HTR1D: variants seen among roughly 807,000 people sequenced by gnomAD.
HTR1D encodes the protein 5-HT-1D.
HTR1D carries 18 observed loss-of-function variants against 21.1 expected under a neutral mutation model. That is an observed-to-expected ratio of 0.85 (90% CI 0.59 to 1.27). The LOEUF is 1.27. HTR1D is among the 50% of genes most tolerant of loss of function. The pLI is 0.00. For missense variants in HTR1D, 456 were observed against 481.4 expected (o/e 0.95, Z 0.49); for synonymous variants, 196 against 204.4 (o/e 0.96, Z 0.35).
Position 23,194,198 on chromosome 1 carries a change from C to T in HTR1D, c.22G>A (p.Ala8Thr). The change falls in exon 2 of 2, where the codon GCA (alanine) becomes ACA (threonine). Residue 8 changes from alanine (A) to threonine (T), a missense_variant. Transcript: ENST00000374619. Reference sequence around the variant, plus strand: ...GAGGCCTCCTGGGGAAGGCCTTCTGCTGACTGGTTCAGTGGGGACATGCTA... The same window carrying T: ...GAGGCCTCCTGGGGAAGGCCTTCTGTTGACTGGTTCAGTGGGGACATGCTA... MSPLNQS[A>T]EGLPQEASNR... 1 of 1,613,632 alleles carries T rather than the reference C, an allele frequency of 6.2e-7. No individual in the cohort carries two copies. Among genetic ancestry groups the T allele is most frequent in the Non-Finnish European group, 8.5e-7 (1 of 1,179,778 alleles).
At chr1:23,211,904 T>C (rs971275306) in intron 1 of HTR1D, among the ~76,000 whole-genome samples, 1 of 152,140 alleles carries the variant, frequency 6.6e-6, no homozygotes, top group African/African-American at 2.4e-5. Context: ...GTTCAAGTGA[T>C]CTTCCTGCCT....
In HTR1D at chr1:23,217,393, C is replaced by CG. The variant is rs1644780114; in HGVS notation, c.-886dup. On this transcript the variant is annotated 5_prime_UTR_variant, in exon 1 of 2. Coordinates refer to ENST00000374619, the MANE Select transcript of HTR1D (RefSeq NM_000864.5). The surrounding 1 kb of genome is among the most constrained non-coding windows in gnomAD (Gnocchi z 4.6). ...GCCGCCTTGTCTCCGCCGCGACCCC[C>CG]GCCGAACTCGGGGGCCGCCCGCCCC... 6.6e-6 allele frequency among the ~76,000 whole-genome samples: 1 copy of CG among 151,816 alleles called. No homozygotes were observed. Among genetic ancestry groups the CG allele is most frequent in the Non-Finnish European group, 1.5e-5 (1 of 67,898 alleles).
intron 1 of HTR1D, among the ~76,000 whole-genome samples, chr1:23,204,080 T>C (rs1156419921): frequency 1.3e-5 from 2 of 152,168 alleles, no homozygotes; most frequent in Non-Finnish European, 2.9e-5. Flanking sequence ...TCCGCAGCCA[T>C]GTGGAACTGT....
In HTR1D at chr1:23,193,213, G is replaced by A. The variant is rs758749231; in HGVS notation, c.1007C>T (p.Ala336Val). ...TAGCCAGGTGAAGAAGTCAAAGAGCGCCGGGTGGATCCAGCAGGAGTCCCG... is the reference window on the plus strand; with the variant it reads ...TAGCCAGGTGAAGAAGTCAAAGAGCACCGGGTGGATCCAGCAGGAGTCCCG... The part of the protein sequence containing the change: ...ICRDSCWIHP[A>V]LFDFFTWLGY... The change falls in exon 2 of 2, where the codon GCG becomes GTG. Residue 336 changes from alanine (A) to valine (V), a missense_variant. By Grantham distance (64) the Ala-to-Val change is moderately conservative (BLOSUM62 0). Transcript: ENST00000374619. 45 of 1,613,980 alleles carry A rather than the reference G, an allele frequency of 2.8e-5. No individual in the cohort carries two copies. Among genetic ancestry groups the A allele is most frequent in the African/African-American group, 4.0e-5 (3 of 74,896 alleles).
At chr1:23,215,259 A>G (rs577746697) in intron 1 of HTR1D, among the ~76,000 whole-genome samples, 5 of 152,274 alleles carry the variant, frequency 3.3e-5, no homozygotes, top group African/African-American at 1.2e-4. Context: ...TCTACAAAAA[A>G]TGCAAAAATT....
intron 1 of HTR1D, among the ~76,000 whole-genome samples, chr1:23,214,749 A>G (rs2148245213): frequency 6.6e-6 from 1 of 152,218 alleles, no homozygotes; most frequent in South Asian, 2.1e-4. Context: ...CACCTGCCCC[A>G]TGCCCTGCTA....
intron 1 of HTR1D, among the ~76,000 whole-genome samples, chr1:23,202,546 T>C (rs1406853458): frequency 6.6e-6 from 1 of 152,140 alleles, no homozygotes; most frequent in Non-Finnish European, 1.5e-5. Flanking sequence ...ACAAAAAGGA[T>C]GTATGGGTTT....
intron 1 of HTR1D, among the ~76,000 whole-genome samples, chr1:23,202,871 A>G (rs1184063982): frequency 6.6e-6 from 1 of 152,094 alleles, no homozygotes; most frequent in Non-Finnish European, 1.5e-5. Flanking sequence ...CAGAGATATA[A>G]TGAGGATTGG....
chr1:23,203,024 C>T (rs989217757), intron 1 of HTR1D, among the ~76,000 whole-genome samples: 1 of 152,072 alleles, frequency 6.6e-6, no homozygotes, highest in Non-Finnish European at 1.5e-5. Context: ...AGGCGATTCT[C>T]CTGTCTCAGC....
intron 1 of HTR1D, among the ~76,000 whole-genome samples, chr1:23,200,886 G>C (rs1301790872): frequency 6.6e-6 from 1 of 152,144 alleles, no homozygotes; most frequent in African/African-American, 2.4e-5. Flanking sequence ...CATGACAGCA[G>C]CAGCAGAAGC....
In HTR1D at chr1:23,192,917, T is replaced by A. The variant is rs1429233898; in HGVS notation, c.*169A>T. ...CCCCCCGCCCCCCACCACCCACAGC[T>A]CTTTCAGAAGTTAAGAAAACAACAG... On this transcript the variant is annotated 3_prime_UTR_variant, in exon 2 of 2. Transcript: ENST00000374619. The A allele has an allele frequency of 1.2e-3, 165 of 132,606 alleles. No individual in the cohort carries two copies. Among genetic ancestry groups the A allele is most frequent in the East Asian group, 2.6e-3 (15 of 5,852 alleles). The allele number at this position is 132,606 out of a possible 1,614,324, so 8.2% of individuals were successfully genotyped here. A position where few individuals can be genotyped will look rare whatever the true frequency, so the allele number is the denominator to read the frequency against.
chr1:23,193,663 G>A lies in HTR1D; in HGVS notation c.557C>T (p.Ser186Leu), dbSNP rs753101503. 33 of 1,613,234 alleles carry A rather than the reference G, an allele frequency of 2.0e-5. No homozygotes were observed. In the African/African-American group the frequency reaches 2.7e-4, roughly 13 times the overall value. The change falls in exon 2 of 2, where the codon TCG becomes TTG. Residue 186 changes from serine to leucine, a missense_variant. Coordinates refer to ENST00000374619, the MANE Select transcript of HTR1D (RefSeq NM_000864.5). The part of the protein sequence containing the change: ...WRQAKAQEEM[S>L]DCLVNTSQIS... ...CTGAGAGGTGTTCACCAGACAGTCC[G>A]ACATCTCCTCCTGGGCCTTGGCCTG...
chr1:23,209,859 C>G (rs542412291), intron 1 of HTR1D, among the ~76,000 whole-genome samples: 1 of 152,238 alleles, frequency 6.6e-6, no homozygotes, highest in East Asian at 1.9e-4. Context: ...ATACCTACCC[C>G]ACACATTCAA....
At chr1:23,211,559 C>T (rs536164822) in intron 1 of HTR1D, among the ~76,000 whole-genome samples, 1 of 152,136 alleles carries the variant, frequency 6.6e-6, no homozygotes, top group Non-Finnish European at 1.5e-5. Context: ...ACCTATTCCA[C>T]AGGATTGAAC....
At chr1:23,212,125 T>C (rs1644755786) in intron 1 of HTR1D, among the ~76,000 whole-genome samples, 1 of 152,196 alleles carries the variant, frequency 6.6e-6, no homozygotes, top group South Asian at 2.1e-4. Flanking sequence ...GTTCTGTCAC[T>C]TCCTTGAGTC....
Position 23,194,369 on chromosome 1 carries a change from A to G in HTR1D, c.-150T>C. 1 of 607,426 alleles carries G rather than the reference A, an allele frequency of 1.6e-6. No individual in the cohort carries two copies. Among genetic ancestry groups the G allele is most frequent in the Non-Finnish European group, 3.0e-6 (1 of 336,982 alleles). The allele number at this position is 607,426 out of a possible 1,614,324, so 37.6% of individuals were successfully genotyped here. On this transcript the variant is annotated 5_prime_UTR_variant, in exon 2 of 2. Transcript: ENST00000374619. ...CACAGTGAAAAGGTCTCAAGACCAG[A>G]CTATTCTCTAAGTACAGTTGCAATA...
intron 1 of HTR1D, among the ~76,000 whole-genome samples, chr1:23,201,037 C>A (rs975323698): frequency 6.6e-6 from 1 of 152,190 alleles, no homozygotes. Context: ...AGCAGACAGA[C>A]AGACTTATGA....
At chr1:23,213,384 G>T (rs12088980) in intron 1 of HTR1D, among the ~76,000 whole-genome samples, 1 of 152,136 alleles carries the variant, frequency 6.6e-6, no homozygotes, top group East Asian at 1.9e-4. Flanking sequence ...GGAGGCTGAG[G>T]CAGGAGAATC....
chr1:23,199,224 C>T (rs967849583), intron 1 of HTR1D, among the ~76,000 whole-genome samples: 5 of 151,978 alleles, frequency 3.3e-5, no homozygotes, highest in African/African-American at 1.2e-4. Context: ...AGTGATCCTC[C>T]CACCTCAGCC....
Sources: allele counts gnomAD v4.1 joint callset (sites outside exome capture counted in the v4.1 genomes callset), GRCh38; gene constraint gnomAD v4.1.1; non-coding constraint Gnocchi (gnomAD v3.1); transcripts MANE v1.5; gene names NCBI Gene and HGNC (gene_info 2026-07-23, HGNC 2026-07-21).